TBC1D1: variants seen among roughly 807,000 people sequenced by gnomAD.
TBC1D1 encodes the protein TBC1 domain family member 1, also known as TBC1 (tre-2/USP6, BUB2, cdc16) domain family, member 1.
In TBC1D1, 89 loss-of-function variants were observed where a neutral mutation model predicts 125.6. The ratio of observed to expected loss-of-function variants is 0.71; its 90% confidence interval spans 0.60 to 0.85. The LOEUF (loss-of-function observed/expected upper bound fraction) is 0.85, where lower values mean the gene tolerates loss of function less well. Ranked by LOEUF, TBC1D1 falls within the 40% of genes least tolerant of loss-of-function variation. TBC1D1 has a pLI of 0.00. For synonymous variants in TBC1D1, 565 were observed against 564.1 expected, an observed-to-expected ratio of 1.00 and a Z score of -0.02; for missense variants, 1,377 against 1,469.2, an observed-to-expected ratio of 0.94 and a Z score of 1.03.
intron 2 of TBC1D1, among the ~76,000 whole-genome samples, chr4:37,908,238 C>T (rs1013079489): frequency 1.1e-4 from 17 of 152,144 alleles, no homozygotes; most frequent in Non-Finnish European, 1.8e-4. Flanking sequence ...TGGGGGGTCT[C>T]TCTGTCGCCC....
intron 15 of TBC1D1, among the ~76,000 whole-genome samples, chr4:38,115,290 T>C (rs927992023): frequency 6.6e-6 from 1 of 151,992 alleles, no homozygotes; most frequent in Non-Finnish European, 1.5e-5. Context: ...TTAGTAGCGA[T>C]GGGGTTTCGC....
chr4:37,909,268 G>A lies in TBC1D1; in HGVS notation c.417+6756G>A, dbSNP rs149268960. Among the ~76,000 whole-genome samples the A allele has an allele frequency of 3.4e-3, 524 of 152,292 alleles. 5 individuals are homozygous for A. The highest frequency in any genetic ancestry group is 0.012 in the African/African-American group (486 of 41,548). ...GTCTGAAGCTGTTTTCTTGTGATTA[G>A]CAGGAGTCCATCCCCCGTATCAAAA... is the stretch of plus-strand genomic sequence containing the variant. On this transcript the variant is annotated intron_variant, in intron 2 of 19. Coordinates refer to ENST00000261439, the MANE Select transcript of TBC1D1 (RefSeq NM_015173.4).
intron 15 of TBC1D1, among the ~76,000 whole-genome samples, chr4:38,115,259 C>A (rs1157787623): frequency 6.6e-6 from 1 of 152,018 alleles, no homozygotes; most frequent in Non-Finnish European, 1.5e-5. Flanking sequence ...TGCCACCACG[C>A]CTGACTAATT....
At chr4:38,019,503 C>T (rs934981931) in intron 4 of TBC1D1, among the ~76,000 whole-genome samples, 5 of 152,072 alleles carry the variant, frequency 3.3e-5, no homozygotes, top group Admixed American at 6.6e-5. Flanking sequence ...TGATTTGCTG[C>T]TATTTCTGTT....
At position 38,137,697 on chromosome 4, in the gene TBC1D1, G is replaced by C. The variant is rs1766874222; in HGVS notation, c.*362G>C. On this transcript the variant is annotated 3_prime_UTR_variant, in exon 20 of 20. Coordinates refer to ENST00000261439, the MANE Select transcript of TBC1D1 (RefSeq NM_015173.4). The stretch of plus-strand genomic sequence containing the variant: ...CGGTGGAATTTCAAAAGCTGGAAGA[G>C]CTCGAGATCATGCCTCAGGCAAAGG... 5.1e-6 allele frequency: 1 copy of C among 194,452 alleles called. No individual in the cohort carries two copies. Among genetic ancestry groups the C allele is most frequent in the Non-Finnish European group, 1.0e-5 (1 of 96,262 alleles). 12.0% of individuals were successfully genotyped at this position (194,452 alleles called of 1,614,324 possible).
Position 38,014,631 on chromosome 4 carries a change from C to A in TBC1D1, c.540C>A (p.Arg180=). 6.2e-7 allele frequency: 1 copy of A among 1,613,402 alleles called. No homozygotes were observed. Among genetic ancestry groups the A allele is most frequent in the Non-Finnish European group, 8.5e-7 (1 of 1,180,044 alleles). Reference sequence around the variant, plus strand: ...AGTTCGAGGTGCTCTTCTGCGGCCGCGTGACGGTGGCGCACAAGAAGGCTC... The same window carrying A: ...AGTTCGAGGTGCTCTTCTGCGGCCGAGTGACGGTGGCGCACAAGAAGGCTC... Residue 180 remains arginine, a synonymous_variant, in exon 3 of 20, where the codon CGC becomes CGA. Coordinates refer to ENST00000261439, the MANE Select transcript of TBC1D1 (RefSeq NM_015173.4). This position sits in a 1 kb window ranked among gnomAD's most constrained non-coding sequence, Gnocchi z 5.1.
At chr4:38,066,979 C>T (rs1055772314) in intron 12 of TBC1D1, among the ~76,000 whole-genome samples, 10 of 151,800 alleles carry the variant, frequency 6.6e-5, no homozygotes, top group Admixed American at 1.3e-4. Flanking sequence ...TGGGTTCAAG[C>T]GATTCTCCTG....
rs2152395910 is a variant in TBC1D1 at position 37,995,760 on chromosome 4, A to G, written c.418-18749A>G. ...CGGCTTGCACTTTGGTCTTAACTGC[A>G]TTCACCCTCTCCAGCACCTTCTCCT... On this transcript the variant is annotated intron_variant, in intron 2 of 19. Coordinates refer to ENST00000261439, the MANE Select transcript of TBC1D1 (RefSeq NM_015173.4). The surrounding 1 kb of genome is among the most constrained non-coding windows in gnomAD (Gnocchi z 4.3). 3.7e-6 allele frequency: 2 copies of G among 533,872 alleles called. No homozygotes were observed. Among genetic ancestry groups the G allele is most frequent in the South Asian group, 2.8e-5 (2 of 71,660 alleles). The allele number at this position is 533,872 out of a possible 1,614,324, so 33.1% of individuals were successfully genotyped here. A position where few individuals can be genotyped will look rare whatever the true frequency, so the allele number is the denominator to read the frequency against.
intron 2 of TBC1D1, among the ~76,000 whole-genome samples, chr4:37,949,782 T>C (rs954784067): frequency 3.3e-5 from 5 of 152,222 alleles, no homozygotes; most frequent in East Asian, 3.8e-4. Context: ...CATTTTAGCA[T>C]GAAAGTAACA....
chr4:37,977,088 G>A lies in TBC1D1; in HGVS notation c.418-37421G>A, dbSNP rs1423607311. ...TAGATTTCTGAAAGTTGTGCGAAAC[G>A]GACCCCAGAGGCCTGGAAAGGCGCG... On this transcript the variant is annotated intron_variant, in intron 2 of 19. Transcript: ENST00000261439. The surrounding 1 kb of genome is among the most constrained non-coding windows in gnomAD (Gnocchi z 4.3). 6.6e-6 allele frequency among the ~76,000 whole-genome samples: 1 copy of A among 152,148 alleles called. No homozygotes were observed. The highest frequency in any genetic ancestry group is 1.5e-5 in the Non-Finnish European group (1 of 68,022).
At chr4:38,103,929 G>C (rs866393346) in intron 15 of TBC1D1, among the ~76,000 whole-genome samples, 1 of 151,996 alleles carries the variant, frequency 6.6e-6, no homozygotes, top group African/African-American at 2.4e-5. Context: ...GGAGGCCAAG[G>C]CTGGTGGATC....
intron 12 of TBC1D1, among the ~76,000 whole-genome samples, chr4:38,054,675 T>C (rs1171301517): frequency 6.6e-6 from 1 of 152,124 alleles, no homozygotes; most frequent in Non-Finnish European, 1.5e-5. Context: ...CTGAGGCAAG[T>C]TTTAGAGCAG....
At chr4:38,039,201 C>T (rs1747866578) in intron 8 of TBC1D1, among the ~76,000 whole-genome samples, 1 of 140,780 alleles carries the variant, frequency 7.1e-6, no homozygotes, top group Non-Finnish European at 1.5e-5. Flanking sequence ...CACTGCAAGC[C>T]CCGCCTCCCA....
intron 2 of TBC1D1, among the ~76,000 whole-genome samples, chr4:37,955,409 G>A (rs866034390): frequency 4.7e-4 from 71 of 152,208 alleles, no homozygotes; most frequent in Middle Eastern, 3.4e-3. Context: ...TCAAACCCCC[G>A]ATATAAAATG....
At position 38,096,088 on chromosome 4, in the gene TBC1D1, A is replaced by T; in HGVS notation, c.2396A>T (p.Gln799Leu). 1 of 1,612,462 alleles carries T rather than the reference A, an allele frequency of 6.2e-7. No homozygotes were observed. Among genetic ancestry groups the T allele is most frequent in the Non-Finnish European group, 8.5e-7 (1 of 1,179,128 alleles). Residue 799 changes from glutamine to leucine, a missense_variant and splice_region_variant, in exon 14 of 20, where the codon CAA becomes CTA. Gln to Leu is a moderately radical substitution (Grantham distance 113). Around this residue, in one of 3 missense-constraint regions of TBC1D1, gnomAD observed 543 missense variants for 613.5 expected, o/e 0.89. Transcript: ENST00000261439. ...GAAAAAATGCACTCGGCTGTTGGGC[A>T]AGGTAAGCTTCATTGGGAAGCATCT...
At chr4:37,953,699 G>A (rs1474584320) in intron 2 of TBC1D1, among the ~76,000 whole-genome samples, 1 of 152,196 alleles carries the variant, frequency 6.6e-6, no homozygotes, top group Non-Finnish European at 1.5e-5. Context: ...GAACCTTAGA[G>A]CTCCTTCAAG....
chr4:38,122,478 C>A (rs989835795), intron 17 of TBC1D1, among the ~76,000 whole-genome samples: 2 of 152,262 alleles, frequency 1.3e-5, no homozygotes, highest in East Asian at 3.9e-4. Context: ...GTATTGACAC[C>A]CTATTTTCCT....
intron 2 of TBC1D1, among the ~76,000 whole-genome samples, chr4:37,922,992 A>G (rs1721342164): frequency 6.6e-6 from 1 of 151,944 alleles, no homozygotes; most frequent in Admixed American, 6.6e-5. Context: ...GTTCTTGGAT[A>G]CATGTGCAGA....
chr4:37,966,592 A>G (rs1364556765), intron 2 of TBC1D1, among the ~76,000 whole-genome samples: 3 of 152,200 alleles, frequency 2.0e-5, no homozygotes, highest in African/African-American at 7.2e-5. Flanking sequence ...TTTATTTTAT[A>G]ATCTATGAGT....
Sources: allele counts gnomAD v4.1 joint callset (sites outside exome capture counted in the v4.1 genomes callset), GRCh38; gene constraint gnomAD v4.1.1; regional missense constraint gnomAD v4.1.1; non-coding constraint Gnocchi (gnomAD v3.1); transcripts MANE v1.5; gene names NCBI Gene and HGNC (gene_info 2026-07-23, HGNC 2026-07-21).